Variants in CPS1 observed in about 807,000 individuals in gnomAD.
CPS1 encodes carbamoyl-phosphate synthase [ammonia], mitochondrial.
In CPS1, 109 loss-of-function variants were observed where a neutral mutation model predicts 174.6. The observed-to-expected ratio is 0.62, with a 90% CI of 0.53 to 0.73. The LOEUF (loss-of-function observed/expected upper bound fraction) is 0.73. Ranked by LOEUF, CPS1 falls within the 30% of genes least tolerant of loss-of-function variation. CPS1 has a pLI of 0.00. For synonymous variants in CPS1, 637 were observed against 632.0 expected (o/e 1.01, Z -0.12); for missense variants, 1,689 against 1,821.9 (o/e 0.93, Z 1.33).
At chr2:210,535,612 A>G (rs1379465618) in intron 1 of CPS1, among the ~76,000 whole-genome samples, 4 of 152,134 alleles carry the variant, frequency 2.6e-5, no homozygotes, top group Admixed American at 2.6e-4. Flanking sequence ...CTGATGAATG[A>G]CAATGTGATT....
chr2:210,593,667 A>G, intron 11 of CPS1: 1 of 985,182 alleles, frequency 1.0e-6, no homozygotes, highest in Non-Finnish European at 1.2e-6. Context: ...CTCAGAAAAG[A>G]CTTCGAGGTA....
chr2:210,653,362 A>G (rs1188507886), intron 28 of CPS1, among the ~76,000 whole-genome samples: 1 of 152,164 alleles, frequency 6.6e-6, no homozygotes, highest in Non-Finnish European at 1.5e-5. Context: ...CATGGAGGAA[A>G]TGAGTGTGGG....
intron 33 of CPS1, among the ~76,000 whole-genome samples, chr2:210,664,919 T>C (rs1701042438): frequency 6.6e-6 from 1 of 152,222 alleles, no homozygotes; most frequent in Non-Finnish European, 1.5e-5. Flanking sequence ...AAATGGCTTG[T>C]TGTAGGATTA....
At chr2:210,498,575 A>C (rs1695063741) in intron 1 of CPS1, among the ~76,000 whole-genome samples, 1 of 152,092 alleles carries the variant, frequency 6.6e-6, no homozygotes, top group Non-Finnish European at 1.5e-5. Context: ...AGGGTTTTCT[A>C]GGCGTAGAAT....
intron 23 of CPS1, 109 bp downstream of exon 23, chr2:210,639,324 G>T: frequency 2.0e-5 from 19 of 939,326 alleles, no homozygotes; most frequent in Non-Finnish European, 3.2e-5. Flanking sequence ...ATAAAAAAAG[G>T]CATCATGGCC....
intron 21 of CPS1, 135 bp downstream of exon 21, chr2:210,616,676 C>T (rs1410026419): frequency 1.8e-5 from 13 of 705,058 alleles, no homozygotes; most frequent in East Asian, 1.0e-4. Flanking sequence ...AAATAGTACC[C>T]GTAGCCAGAA....
intron 19 of CPS1, among the ~76,000 whole-genome samples, chr2:210,610,661 G>A (rs2105856448): frequency 6.6e-6 from 1 of 151,998 alleles, no homozygotes; most frequent in African/African-American, 2.4e-5. Flanking sequence ...CAAATGTGGT[G>A]GGAGGACGAC....
upstream of CPS1, among the ~76,000 whole-genome samples, chr2:210,554,895 G>T (rs1002141927): frequency 6.6e-6 from 1 of 150,572 alleles, no homozygotes; most frequent in Non-Finnish European, 1.5e-5. Flanking sequence ...AGATCAAGGC[G>T]TAAACTAGTA....
At chr2:210,504,970 G>A (rs1323596382) in intron 1 of CPS1, among the ~76,000 whole-genome samples, 1 of 151,654 alleles carries the variant, frequency 6.6e-6, no homozygotes, top group Non-Finnish European at 1.5e-5. Context: ...TAGGAATAGG[G>A]GCTGATATAT....
intron 6 of CPS1, among the ~76,000 whole-genome samples, chr2:210,585,827 A>C (rs183903774): frequency 2.5e-4 from 38 of 151,940 alleles, no homozygotes; most frequent in Non-Finnish European, 5.0e-4. Flanking sequence ...TGAATATGTG[A>C]ATAGACTGGA....
chr2:210,547,086 G>A (rs759923805), intron 1 of CPS1, among the ~76,000 whole-genome samples: 2 of 152,008 alleles, frequency 1.3e-5, no homozygotes, highest in Non-Finnish European at 2.9e-5. Context: ...TGTTACTAGC[G>A]CTGCCCCACA....
chr2:210,493,841 G>A (rs892583109), intron 1 of CPS1, among the ~76,000 whole-genome samples: 1 of 151,970 alleles, frequency 6.6e-6, no homozygotes, highest in African/African-American at 2.4e-5. Context: ...ACTGTCATTT[G>A]GGGTGATAGT....
intron 1 of CPS1, among the ~76,000 whole-genome samples, chr2:210,501,245 C>A (rs1030684109): frequency 1.3e-5 from 2 of 152,150 alleles, no homozygotes; most frequent in Non-Finnish European, 2.9e-5. Context: ...AGGTCACTGA[C>A]ATACCCTGGG....
At chr2:210,566,029 C>T (rs1487781037) in intron 1 of CPS1, among the ~76,000 whole-genome samples, 1 of 152,070 alleles carries the variant, frequency 6.6e-6, no homozygotes, top group Non-Finnish European at 1.5e-5. Context: ...TGCTGCCCAC[C>T]AGACTTTCCT....
intron 1 of CPS1, among the ~76,000 whole-genome samples, chr2:210,532,203 TG>T (rs1411031977): frequency 6.6e-6 from 1 of 152,276 alleles, no homozygotes; most frequent in East Asian, 1.9e-4. Context: ...TAAATAATTT[TG>T]GAGGGTTATT....
At chr2:210,631,512 C>G (rs544615172) in intron 21 of CPS1, among the ~76,000 whole-genome samples, 34 of 152,280 alleles carry the variant, frequency 2.2e-4, no homozygotes, top group Middle Eastern at 3.4e-3. Flanking sequence ...GCCATGCTGT[C>G]TCACCATTAA....
chr2:210,669,191 A>C (rs1389958159), intron 34 of CPS1, among the ~76,000 whole-genome samples: 1 of 152,170 alleles, frequency 6.6e-6, no homozygotes, highest in Non-Finnish European at 1.5e-5. Flanking sequence ...GGGCAAAATG[A>C]TAGGAAACTT....
rs1697857175 is a variant in CPS1 at position 210,579,887 on chromosome 2, G to T, written c.528+117G>T. 3.6e-6 allele frequency: 3 copies of T among 823,238 alleles called. No homozygotes were observed. In the Admixed American group the frequency reaches 5.5e-5, roughly 15 times the overall value. The allele number at this position is 823,238 out of a possible 1,614,324, so 51.0% of individuals were successfully genotyped here. A position where few individuals can be genotyped will look rare whatever the true frequency, so the allele number is the denominator to read the frequency against. On this transcript the variant is annotated intron_variant, in intron 5 of 37. Transcript: ENST00000233072. ...ATTAATATGTAAAGGAGTGAATCTG[G>T]CCAGCTTCTGCTATCTGGGTCTCTG...
At chr2:210,512,763 T>TATATATATATATATATATAGAGAGAGAG (rs1695535215) in intron 1 of CPS1, among the ~76,000 whole-genome samples, 1 of 111,162 alleles carries the variant, frequency 9.0e-6, no homozygotes, top group African/African-American at 3.9e-5. Flanking sequence ...TATATATATA[T>TATATATATATATATATATAGAGAGAGAG]ATATATATAT....
Sources: gnomAD v4.1 joint callset for allele counts (sites outside exome capture counted in the v4.1 genomes callset) on GRCh38, gnomAD v4.1.1 for gene constraint, MANE v1.5 for transcripts, NCBI Gene and HGNC (gene_info 2026-07-23, HGNC 2026-07-21) for gene names.